Variants in PPP4R4 observed in about 807,000 individuals in gnomAD.
The protein encoded by PPP4R4 is serine/threonine-protein phosphatase 4 regulatory subunit 4.
Under a neutral mutation model 121.8 loss-of-function variants are expected in PPP4R4, and 70 were observed. That is an observed-to-expected ratio of 0.57 (90% CI 0.47 to 0.70). PPP4R4 has a LOEUF of 0.70. Ranked by LOEUF, PPP4R4 falls within the 30% of genes least tolerant of loss-of-function variation. PPP4R4 has a pLI of 0.00. For synonymous variants in PPP4R4, 348 were observed against 355.7 expected (o/e 0.98, Z 0.24); for missense variants, 875 against 1,033.6 (o/e 0.85, Z 2.10).
intron 23 of PPP4R4, among the ~76,000 whole-genome samples, chr14:94,274,743 T>C (rs1271398418): frequency 1.3e-5 from 2 of 152,174 alleles, no homozygotes. Context: ...TCTTTTGAAG[T>C]TAAATATATA....
intron 3 of PPP4R4, among the ~76,000 whole-genome samples, chr14:94,222,845 T>C (rs949342339): frequency 4.1e-4 from 62 of 152,100 alleles, no homozygotes; most frequent in African/African-American, 1.5e-3. Context: ...CCTAATCTTC[T>C]CTCTCTCCTC....
In PPP4R4 at chr14:94,251,872, C is replaced by T; in HGVS notation, c.1841C>T (p.Thr614Ile). 6.3e-7 allele frequency: 1 copy of T among 1,587,138 alleles called. No individual in the cohort carries two copies. The highest frequency in any genetic ancestry group is 8.6e-7 in the Non-Finnish European group (1 of 1,166,108). The change falls in exon 16 of 25, where the codon ACA becomes ATA. Residue 614 changes from threonine to isoleucine, a missense_variant. Coordinates refer to ENST00000304338, the MANE Select transcript of PPP4R4 (RefSeq NM_058237.2). ...TTCTTTCTACCTGCTATTGAACTGA[C>T]ACATGATCCAGTAGCAAATGTGAGG... ...KYFFLPAIEL[T>I]HDPVANVRMK...
intron 3 of PPP4R4, among the ~76,000 whole-genome samples, chr14:94,211,126 T>G (rs1890718933): frequency 6.6e-6 from 1 of 152,198 alleles, no homozygotes; most frequent in African/African-American, 2.4e-5. Context: ...AAATATTTAC[T>G]GAGTCCTTTT....
At chr14:94,213,580 G>A (rs1474425931) in intron 3 of PPP4R4, among the ~76,000 whole-genome samples, 1 of 152,132 alleles carries the variant, frequency 6.6e-6, no homozygotes, top group East Asian at 1.9e-4. Flanking sequence ...TTATTGGGGT[G>A]GTGGTCTAAA....
chr14:94,268,602 A>C (rs2139652371), intron 23 of PPP4R4, among the ~76,000 whole-genome samples: 1 of 152,340 alleles, frequency 6.6e-6, no homozygotes, highest in Non-Finnish European at 1.5e-5. Flanking sequence ...AAGACTGGGT[A>C]ATTTATAAAG....
At chr14:94,238,370 T>C (rs1892456940) in intron 8 of PPP4R4, among the ~76,000 whole-genome samples, 1 of 152,250 alleles carries the variant, frequency 6.6e-6, no homozygotes, top group Admixed American at 6.5e-5. Context: ...CCATCAAAAC[T>C]TAACTGACTT....
At chr14:94,221,170 C>T (rs1210950067) in intron 3 of PPP4R4, among the ~76,000 whole-genome samples, 1 of 152,010 alleles carries the variant, frequency 6.6e-6, no homozygotes. Flanking sequence ...AAATGATGCT[C>T]AAACAGTTTG....
chr14:94,252,384 A>G (rs1024147746), intron 16 of PPP4R4, among the ~76,000 whole-genome samples: 2 of 152,260 alleles, frequency 1.3e-5, no homozygotes, highest in Middle Eastern at 3.4e-3. Flanking sequence ...TGTTAATTGC[A>G]TTTGATTAAC....
At chr14:94,205,745 TG>T (rs1270109867) in intron 2 of PPP4R4, among the ~76,000 whole-genome samples, 2 of 151,920 alleles carry the variant, frequency 1.3e-5, no homozygotes, top group African/African-American at 4.8e-5. Flanking sequence ...CTTTGATTCA[TG>T]GGAAAATACA....
At position 94,213,327 on chromosome 14, in the gene PPP4R4, G is replaced by A. The variant is rs143193810; in HGVS notation, c.294+4761G>A. Among the ~76,000 whole-genome samples the A allele has an allele frequency of 1.8e-3, 268 of 152,264 alleles. 3 individuals carry two copies. In the South Asian group the frequency reaches 0.029, roughly 17 times the overall value. Reference sequence around the variant, plus strand: ...TCTGTACTACAGCAGCCTCCTCACTGAGTCTGTTGCTTCCATTTTGCCTCC... The same window carrying A: ...TCTGTACTACAGCAGCCTCCTCACTAAGTCTGTTGCTTCCATTTTGCCTCC... On this transcript the variant is annotated intron_variant, in intron 3 of 24. Coordinates refer to ENST00000304338, the MANE Select transcript of PPP4R4 (RefSeq NM_058237.2).
At chr14:94,187,143 C>G (rs145172295) in intron 2 of PPP4R4, among the ~76,000 whole-genome samples, 1 of 151,990 alleles carries the variant, frequency 6.6e-6, no homozygotes, top group Non-Finnish European at 1.5e-5. Context: ...GAAACCCTGT[C>G]TCTACTAAAA....
At chr14:94,180,791 T>A (rs1285283443) in intron 2 of PPP4R4, among the ~76,000 whole-genome samples, 2 of 152,014 alleles carry the variant, frequency 1.3e-5, no homozygotes, top group Non-Finnish European at 1.5e-5. Flanking sequence ...CTGCCCCCGA[T>A]CATAAAGTGC....
At chr14:94,233,915 A>G (rs779740846) in intron 6 of PPP4R4, among the ~76,000 whole-genome samples, 156 bp downstream of exon 6, 1 of 145,272 alleles carries the variant, frequency 6.9e-6, no homozygotes, top group African/African-American at 2.4e-5. Flanking sequence ...GAATTTACTT[A>G]TTCAGATGCC....
rs762094801 is a variant in PPP4R4 at position 94,242,283 on chromosome 14, C to T, written c.1147-6C>T. ...CCACTCATCTCCTCCCTTCCACCTC[C>T]ACCAGGCCATGATTGTTTTTGTTGA... On this transcript the variant is annotated splice_region_variant and splice_polypyrimidine_tract_variant and intron_variant, in intron 10 of 24. Coordinates refer to ENST00000304338, the MANE Select transcript of PPP4R4 (RefSeq NM_058237.2). The T allele has an allele frequency of 5.6e-6, 9 of 1,611,072 alleles. No individual in the cohort carries two copies. The Admixed American group carries it at 1.0e-4, about 18-fold the overall frequency.
intron 23 of PPP4R4, among the ~76,000 whole-genome samples, chr14:94,268,379 A>C (rs941422831): frequency 6.6e-6 from 1 of 152,180 alleles, no homozygotes; most frequent in Non-Finnish European, 1.5e-5. Context: ...TCTTTGTCTA[A>C]ATCATTAAGA....
At chr14:94,204,806 G>C (rs1266685267) in intron 2 of PPP4R4, among the ~76,000 whole-genome samples, 2 of 152,068 alleles carry the variant, frequency 1.3e-5, no homozygotes, top group Non-Finnish European at 1.5e-5. Context: ...TTTTTGGAGT[G>C]ATTATAAATT....
In PPP4R4 at chr14:94,241,954, T is replaced by G; in HGVS notation, c.1143T>G (p.Phe381Leu). ...TACGGAAGAACTGTGCTTATAACTT[T>G]CCGGTAATAAATATGTATTTATATT... ...ISVRKNCAYN[F>L]PAMIVFVDPK... The change falls in exon 10 of 25, where the codon TTT becomes TTG. Residue 381 changes from phenylalanine to leucine, a missense_variant. Coordinates refer to ENST00000304338, the MANE Select transcript of PPP4R4 (RefSeq NM_058237.2). 6.3e-7 allele frequency: 1 copy of G among 1,583,872 alleles called. No individual in the cohort carries two copies.
intron 2 of PPP4R4, among the ~76,000 whole-genome samples, chr14:94,201,031 A>G (rs1444254835): frequency 6.6e-6 from 1 of 152,102 alleles, no homozygotes; most frequent in Non-Finnish European, 1.5e-5. Context: ...TTGTGTCACT[A>G]TTATTCAGTT....
chr14:94,234,638 C>T lies in PPP4R4; in HGVS notation c.700C>T (p.Arg234Trp), dbSNP rs1173352163. ...VEYEVRSCMC[R>W]QLENIAQGIG... Reference sequence around the variant, plus strand: ...ATATGAAGTTCGATCTTGTATGTGTCGGCAATTAGAAAATATAGCCCAGGG... The same window carrying T: ...ATATGAAGTTCGATCTTGTATGTGTTGGCAATTAGAAAATATAGCCCAGGG... The change falls in exon 7 of 25, where the codon CGG becomes TGG. Residue 234 changes from arginine (R) to tryptophan (W), a missense_variant. Transcript: ENST00000304338. The T allele has an allele frequency of 1.1e-5, 18 of 1,603,386 alleles. No homozygotes were observed. Among genetic ancestry groups the T allele is most frequent in the Non-Finnish European group, 1.5e-5 (18 of 1,170,834 alleles).
Sources: allele counts gnomAD v4.1 joint callset (sites outside exome capture counted in the v4.1 genomes callset), GRCh38; gene constraint gnomAD v4.1.1; transcripts MANE v1.5; gene names NCBI Gene and HGNC (gene_info 2026-07-23, HGNC 2026-07-21).